The following DYNC2I1 variants were observed in gnomAD, a reference collection of about 807,000 sequenced individuals.
DYNC2I1 encodes cytoplasmic dynein 2 intermediate chain 1.
DYNC2I1 carries 89 observed loss-of-function variants against 133.4 expected under a neutral mutation model. The ratio of observed to expected loss-of-function variants is 0.67; its 90% confidence interval spans 0.56 to 0.80. The LOEUF (loss-of-function observed/expected upper bound fraction) is 0.80, where lower values mean the gene tolerates loss of function less well. DYNC2I1 is among the 30% of genes least tolerant of loss of function. The pLI, the probability that DYNC2I1 is intolerant of heterozygous loss-of-function variation, is 0.00. For missense variants in DYNC2I1, 1,291 were observed against 1,314.5 expected (o/e 0.98, Z 0.28); for synonymous variants, 504 against 484.3 (o/e 1.04, Z -0.54).
At chr7:158,951,814 C>A (rs1399461633) in intron 4 of DYNC2I1, among the ~76,000 whole-genome samples, 1 of 152,196 alleles carries the variant, frequency 6.6e-6, no homozygotes, top group East Asian at 1.9e-4. Context: ...ATGGGAAGCT[C>A]CTCCTACCTC....
chr7:158,841,204 TATATATA>T, the DYNC2I1 span, among the ~76,000 whole-genome samples: 9 of 52,752 alleles, frequency 1.7e-4, no homozygotes, highest in Non-Finnish European at 3.2e-4. Context: ...TATATATATA[TATATATA>T]TATATATATA....
At chr7:158,860,968 C>G (rs1485415836) in intron 1 of DYNC2I1, among the ~76,000 whole-genome samples, 2 of 152,232 alleles carry the variant, frequency 1.3e-5, no homozygotes, top group Non-Finnish European at 2.9e-5. Context: ...TGCAGAAACT[C>G]TGGCATGAAC....
intron 7 of DYNC2I1, among the ~76,000 whole-genome samples, chr7:158,889,522 T>C (rs1326495683): frequency 6.6e-6 from 1 of 152,216 alleles, no homozygotes; most frequent in East Asian, 1.9e-4. Context: ...TTTTCCTATT[T>C]TCTTCATGTT....
intron 8 of DYNC2I1, among the ~76,000 whole-genome samples, chr7:158,896,221 T>C (rs1845750039): frequency 6.6e-6 from 1 of 152,346 alleles, no homozygotes; most frequent in Non-Finnish European, 1.5e-5. Context: ...ATTAGCTGTA[T>C]GTTTTTTTGT....
chr7:158,876,906 T>G (rs536293107), intron 4 of DYNC2I1, among the ~76,000 whole-genome samples: 1 of 152,294 alleles, frequency 6.6e-6, no homozygotes, highest in African/African-American at 2.4e-5. Context: ...ATTAGAAAAT[T>G]TAGAAGATAC....
intron 1 of DYNC2I1, among the ~76,000 whole-genome samples, chr7:158,865,079 G>T (rs1009125563): frequency 6.6e-6 from 1 of 152,200 alleles, no homozygotes; most frequent in African/African-American, 2.4e-5. Flanking sequence ...ACACCCACTC[G>T]TAGTGGGGGT....
chr7:158,848,530 C>T, the DYNC2I1 span, among the ~76,000 whole-genome samples: 1 of 152,264 alleles, frequency 6.6e-6, no homozygotes, highest in Non-Finnish European at 1.5e-5. Context: ...GGACTCGCCC[C>T]AGAAGGGTGG....
At chr7:158,937,693 G>A (rs1850904466) in intron 23 of DYNC2I1, among the ~76,000 whole-genome samples, 1 of 150,956 alleles carries the variant, frequency 6.6e-6, no homozygotes, top group Non-Finnish European at 1.5e-5. Context: ...GGAGGCCAAG[G>A]CAGGAGGATC....
downstream of DYNC2I1, chr7:158,956,765 G>A (rs761621894): frequency 2.6e-5 from 4 of 152,494 alleles, no homozygotes; most frequent in Non-Finnish European, 5.9e-5. Context: ...TGGCGTAAGT[G>A]AGACGGTGCG....
At chr7:158,874,557 A>G (rs541525035) in intron 3 of DYNC2I1, among the ~76,000 whole-genome samples, 1 of 152,174 alleles carries the variant, frequency 6.6e-6, no homozygotes, top group East Asian at 1.9e-4. Flanking sequence ...GACTTTTGAA[A>G]ACTGATCGTA....
intron 14 of DYNC2I1, among the ~76,000 whole-genome samples, chr7:158,915,050 C>A (rs1034463632): frequency 9.3e-5 from 14 of 150,254 alleles, no homozygotes; most frequent in African/African-American, 3.4e-4. Flanking sequence ...GAAACCTCAA[C>A]ACGCTAGTTG....
At chr7:158,842,412 A>G in the DYNC2I1 span, among the ~76,000 whole-genome samples, 2 of 152,204 alleles carry the variant, frequency 1.3e-5, no homozygotes, top group Admixed American at 6.5e-5. Flanking sequence ...TCCTCAGCCG[A>G]CATAGTGTGA....
At chr7:158,852,489 C>T (rs914747002), upstream of DYNC2I1, among the ~76,000 whole-genome samples, 3 of 151,718 alleles carry the variant, frequency 2.0e-5, no homozygotes, top group Non-Finnish European at 4.4e-5. Context: ...GCCTGTAATC[C>T]TAGCACTTTG....
At chr7:158,901,073 C>A (rs842704) in intron 8 of DYNC2I1, among the ~76,000 whole-genome samples, 21,300 of 151,992 alleles carry the variant, frequency 0.14, 1,760 homozygotes, top group Middle Eastern at 0.22. Context: ...TCTGTCTCTT[C>A]AAACTGTATT....
intron 10 of DYNC2I1, 182 bp downstream of exon 10, chr7:158,902,777 C>T (rs1454225933): frequency 6.7e-6 from 4 of 598,032 alleles, no homozygotes; most frequent in East Asian, 2.8e-5. Flanking sequence ...GACTTGAGCA[C>T]GAGCCCATCC....
At chr7:158,947,197 A>G (rs1339538647), downstream of DYNC2I1, among the ~76,000 whole-genome samples, 1 of 152,156 alleles carries the variant, frequency 6.6e-6, no homozygotes, top group Non-Finnish European at 1.5e-5. Context: ...TGGGGAAGGA[A>G]GTGGACAGGC....
At chr7:158,839,994 T>G in the DYNC2I1 span, among the ~76,000 whole-genome samples, 23 of 151,986 alleles carry the variant, frequency 1.5e-4, no homozygotes, top group South Asian at 4.8e-3. Context: ...AAAAAAAAAT[T>G]TAGTGGATAT....
intron 23 of DYNC2I1, among the ~76,000 whole-genome samples, chr7:158,939,657 C>T (rs539122015): frequency 2.6e-5 from 4 of 152,178 alleles, no homozygotes; most frequent in African/African-American, 9.6e-5. Context: ...TCTCAATTCT[C>T]CAATTAAAAG....
intron 8 of DYNC2I1, among the ~76,000 whole-genome samples, chr7:158,892,195 T>C (rs1273060567): frequency 6.6e-6 from 1 of 152,204 alleles, no homozygotes; most frequent in Admixed American, 6.5e-5. Context: ...TGGCCAGACA[T>C]AGGACTTGAC....
Sources: gnomAD v4.1 joint callset for allele counts (sites outside exome capture counted in the v4.1 genomes callset) on GRCh38, gnomAD v4.1.1 for gene constraint, MANE v1.5 for transcripts, NCBI Gene and HGNC (gene_info 2026-07-23, HGNC 2026-07-21) for gene names.